SUGCT: variants seen among roughly 807,000 people sequenced by gnomAD.
SUGCT encodes succinyl-CoA:glutarate CoA-transferase.
SUGCT carries 41 observed loss-of-function variants against 55.0 expected under a neutral mutation model. The ratio of observed to expected loss-of-function variants is 0.74; its 90% CI spans 0.58 to 0.97. SUGCT has a LOEUF of 0.97. Ranked by LOEUF, SUGCT falls within the 50% of genes least tolerant of loss-of-function variation. The pLI is 0.00. For missense variants in SUGCT, 568 were observed against 547.8 expected (o/e 1.04, Z -0.37); for synonymous variants, 187 against 200.4 (o/e 0.93, Z 0.56).
At chr7:40,531,193 G>C (rs985655319) in intron 12 of SUGCT, among the ~76,000 whole-genome samples, 1 of 152,194 alleles carries the variant, frequency 6.6e-6, no homozygotes, top group African/African-American at 2.4e-5. Context: ...TGCACATGGA[G>C]AAAGTGCCTA....
At chr7:40,316,973 T>TG (rs1562674002) in intron 9 of SUGCT, 118 bp downstream of exon 9, 12 of 529,754 alleles carry the variant, frequency 2.3e-5, no homozygotes, top group African/African-American at 1.6e-4. Flanking sequence ...TTTTTTTTTT[T>TG]GTAATGTATC....
At chr7:40,456,249 C>A (rs945691210) in intron 10 of SUGCT, among the ~76,000 whole-genome samples, 1 of 152,146 alleles carries the variant, frequency 6.6e-6, no homozygotes, top group African/African-American at 2.4e-5. Flanking sequence ...TGGTCTCCAA[C>A]TCTTGACCTC....
chr7:40,959,652 G>A, the SUGCT span, among the ~76,000 whole-genome samples: 1 of 151,666 alleles, frequency 6.6e-6, no homozygotes, highest in Non-Finnish European at 1.5e-5. Context: ...CCTGGCTTCA[G>A]CCCCCTTTCC....
At chr7:40,635,868 C>A (rs891533850) in intron 12 of SUGCT, among the ~76,000 whole-genome samples, 4 of 152,170 alleles carry the variant, frequency 2.6e-5, no homozygotes, top group Non-Finnish European at 4.4e-5. Flanking sequence ...TTCCTTCCTA[C>A]CTTAACTTTG....
intron 12 of SUGCT, among the ~76,000 whole-genome samples, chr7:40,499,780 G>A (rs1449107089): frequency 1.3e-5 from 2 of 152,202 alleles, no homozygotes; most frequent in East Asian, 1.9e-4. Context: ...ATTTTTCCAA[G>A]TGCTTTCTTA....
chr7:40,629,651 A>G (rs2151805995), intron 12 of SUGCT, among the ~76,000 whole-genome samples: 1 of 152,294 alleles, frequency 6.6e-6, no homozygotes, highest in East Asian at 1.9e-4. Context: ...TTATTTGAGA[A>G]GGGGCCAGGG....
At chr7:40,665,397 C>G (rs1032925698) in intron 12 of SUGCT, among the ~76,000 whole-genome samples, 2 of 151,172 alleles carry the variant, frequency 1.3e-5, no homozygotes, top group African/African-American at 2.4e-5. Context: ...AGCCAAGATT[C>G]CAGCCTGGGC....
At chr7:40,612,351 G>T (rs918044818) in intron 12 of SUGCT, among the ~76,000 whole-genome samples, 1 of 152,194 alleles carries the variant, frequency 6.6e-6, no homozygotes, top group Non-Finnish European at 1.5e-5. Context: ...TGAGACTTTA[G>T]TGAGGTTGAA....
chr7:40,231,210 A>C (rs918963868), intron 6 of SUGCT, among the ~76,000 whole-genome samples: 2 of 152,206 alleles, frequency 1.3e-5, no homozygotes, highest in African/African-American at 4.8e-5. Context: ...GCAGAGGTTT[A>C]TCTCTGTCCT....
intron 6 of SUGCT, among the ~76,000 whole-genome samples, chr7:40,204,137 C>T (rs1786795542): frequency 6.6e-6 from 1 of 151,808 alleles, no homozygotes; most frequent in Non-Finnish European, 1.5e-5. Context: ...CATAGGCATG[C>T]ACCACCACAA....
intron 6 of SUGCT, among the ~76,000 whole-genome samples, chr7:40,228,179 G>A (rs1397012519): frequency 6.6e-6 from 1 of 151,764 alleles, no homozygotes; most frequent in Non-Finnish European, 1.5e-5. Flanking sequence ...CACTGCACCT[G>A]GTCTTTCTTT....
intron 12 of SUGCT, among the ~76,000 whole-genome samples, chr7:40,525,611 G>A (rs1183517986): frequency 2.0e-5 from 3 of 152,000 alleles, no homozygotes; most frequent in Non-Finnish European, 2.9e-5. Context: ...ATAACTTTAC[G>A]ATCCGGTGAT....
At chr7:40,783,892 C>T (rs1400786081) in intron 13 of SUGCT, among the ~76,000 whole-genome samples, 1 of 152,132 alleles carries the variant, frequency 6.6e-6, no homozygotes, top group Non-Finnish European at 1.5e-5. Flanking sequence ...GGTTTATACC[C>T]TTTAAACTCA....
chr7:40,507,598 G>T (rs1383078962), intron 12 of SUGCT, among the ~76,000 whole-genome samples: 1 of 152,122 alleles, frequency 6.6e-6, no homozygotes, highest in Non-Finnish European at 1.5e-5. Flanking sequence ...TATGGACATA[G>T]TTGCCCAGAC....
At chr7:40,695,449 C>T (rs374970584) in intron 12 of SUGCT, among the ~76,000 whole-genome samples, 7 of 152,164 alleles carry the variant, frequency 4.6e-5, no homozygotes, top group African/African-American at 4.8e-5. Flanking sequence ...CTGCCTGCCT[C>T]GGCCTCCCAA....
the SUGCT span, among the ~76,000 whole-genome samples, chr7:40,894,812 C>A: frequency 6.6e-6 from 1 of 152,248 alleles, no homozygotes; most frequent in South Asian, 2.1e-4. Flanking sequence ...CAGAAAATAA[C>A]AGATGCTGGT....
intron 9 of SUGCT, among the ~76,000 whole-genome samples, chr7:40,419,920 T>G (rs1583639132): frequency 6.6e-6 from 1 of 152,232 alleles, no homozygotes; most frequent in African/African-American, 2.4e-5. Flanking sequence ...GCAGAAGTAC[T>G]GTGAGGTACC....
chr7:40,591,821 TAA>T (rs1428948363), intron 12 of SUGCT, among the ~76,000 whole-genome samples: 4 of 152,210 alleles, frequency 2.6e-5, no homozygotes, highest in African/African-American at 9.7e-5. Context: ...ATTTTTAAAT[TAA>T]GATGTATTTT....
chr7:40,721,057 T>C (rs889054847), intron 12 of SUGCT, among the ~76,000 whole-genome samples: 11 of 152,202 alleles, frequency 7.2e-5, no homozygotes, highest in Admixed American at 5.2e-4. Context: ...ATGTGCCCAC[T>C]CCAGTGACCT....
Sources: allele counts gnomAD v4.1 joint callset (sites outside exome capture counted in the v4.1 genomes callset), GRCh38; gene constraint gnomAD v4.1.1; transcripts MANE v1.5; gene names NCBI Gene and HGNC (gene_info 2026-07-23, HGNC 2026-07-21).